The following WWP2 variants were observed in gnomAD, a reference collection of about 807,000 sequenced individuals.
The protein encoded by WWP2 is WW domain containing E3 ubiquitin protein ligase 2.
WWP2 carries 57 observed loss-of-function variants against 121.0 expected under a neutral mutation model. That is an observed-to-expected ratio of 0.47 (90% CI 0.38 to 0.59). The LOEUF (loss-of-function observed/expected upper bound fraction) is 0.59. Among genes scored for constraint, WWP2 ranks in the 20% least tolerant of loss-of-function variants. WWP2 has a pLI of 0.00. For missense variants in WWP2, 962 were observed against 1,158.9 expected (o/e 0.83, Z 2.47); for synonymous variants, 449 against 441.3 (o/e 1.02, Z -0.22).
chr16:69,938,512 G>C (rs530703534), intron 21 of WWP2, among the ~76,000 whole-genome samples: 1 of 152,130 alleles, frequency 6.6e-6, no homozygotes, highest in Non-Finnish European at 1.5e-5. Flanking sequence ...CCAGCTACTC[G>C]GGAAGCTGAT....
At chr16:69,838,988 T>A in intron 4 of WWP2, 1 of 183,340 alleles carries the variant, frequency 5.5e-6, no homozygotes, top group Non-Finnish European at 9.2e-6. Context: ...TTTAGAGCAG[T>A]CTTTTTTGGG....
chr16:69,930,042 C>A (rs2058690352), intron 12 of WWP2, 88 bp from the exon 13 acceptor site: 2 of 1,590,230 alleles, frequency 1.3e-6, no homozygotes, highest in East Asian at 2.3e-5. Flanking sequence ...TCTGCAGAGA[C>A]AAAGCCACAC....
chr16:69,781,302 C>T (rs2055659081), intron 1 of WWP2, among the ~76,000 whole-genome samples: 1 of 152,050 alleles, frequency 6.6e-6, no homozygotes, highest in South Asian at 2.1e-4. Flanking sequence ...GAAGGTATTG[C>T]ATAGGACGTC....
chr16:69,935,563 C>T lies in WWP2; in HGVS notation c.1843-290C>T, dbSNP rs774515888. 6.6e-6 allele frequency among the ~76,000 whole-genome samples: 1 copy of T among 152,230 alleles called. No individual in the cohort carries two copies. Among genetic ancestry groups the T allele is most frequent in the Non-Finnish European group, 1.5e-5 (1 of 68,032 alleles). Reference sequence around the variant, plus strand: ...TTTGCTAGGCCAGGAGCCAGCCGGCCAGCGTGCGGGGCAGATGCGGGCCCG... The same window carrying T: ...TTTGCTAGGCCAGGAGCCAGCCGGCTAGCGTGCGGGGCAGATGCGGGCCCG... On this transcript the variant is annotated intron_variant, in intron 17 of 23. Coordinates refer to ENST00000359154, the MANE Select transcript of WWP2 (RefSeq NM_001270454.2). The surrounding 1 kb of genome is among the most constrained non-coding windows in gnomAD (Gnocchi z 5.2).
At chr16:69,861,239 C>A (rs563147890) in intron 6 of WWP2, among the ~76,000 whole-genome samples, 1 of 152,346 alleles carries the variant, frequency 6.6e-6, no homozygotes, top group Non-Finnish European at 1.5e-5. Context: ...GTGAACACTT[C>A]CCCTCTGAAC....
chr16:69,901,334 T>C lies in WWP2; in HGVS notation c.915-7427T>C, dbSNP rs1038988365. Among the ~76,000 whole-genome samples the C allele has an allele frequency of 2.6e-5, 4 of 152,240 alleles. No homozygotes were observed. The East Asian group carries it at 7.7e-4, about 29-fold the overall frequency. ...TAAGAATACTTGAGTACTTCCAGTGTATTCTTCTTAAGTTTAATTTTTGTC... is the reference window on the plus strand; with the variant it reads ...TAAGAATACTTGAGTACTTCCAGTGCATTCTTCTTAAGTTTAATTTTTGTC... On this transcript the variant is annotated intron_variant, in intron 8 of 23. Transcript: ENST00000359154.
At chr16:69,818,746 C>G (rs774687229) in intron 4 of WWP2, among the ~76,000 whole-genome samples, 1 of 152,130 alleles carries the variant, frequency 6.6e-6, no homozygotes, top group Admixed American at 6.6e-5. Context: ...CACTCTCATT[C>G]AGTCTCCCTT....
At chr16:69,835,824 A>C (rs2056867215) in intron 4 of WWP2, among the ~76,000 whole-genome samples, 1 of 133,344 alleles carries the variant, frequency 7.5e-6, no homozygotes, top group Admixed American at 7.9e-5. Context: ...TTTTTTTGAG[A>C]CAGAGTCTTG....
At chr16:69,767,850 G>A (rs1597632359) in intron 1 of WWP2, among the ~76,000 whole-genome samples, 1 of 151,948 alleles carries the variant, frequency 6.6e-6, no homozygotes, top group South Asian at 2.1e-4. Context: ...TATTTGTTTT[G>A]CTTTTGAGAC....
chr16:69,787,208 G>T, intron 2 of WWP2, 128 bp downstream of exon 2: 1 of 591,892 alleles, frequency 1.7e-6, no homozygotes, highest in South Asian at 3.3e-5. Context: ...TATTCTCATG[G>T]GATTGTCATC....
chr16:69,918,387 G>A (rs1011068156), intron 10 of WWP2, among the ~76,000 whole-genome samples: 1 of 152,164 alleles, frequency 6.6e-6, no homozygotes, highest in Non-Finnish European at 1.5e-5. Flanking sequence ...TCAGGGATTG[G>A]CAAATAATAG....
chr16:69,934,215 G>A, intron 17 of WWP2, 86 bp downstream of exon 17: 1 of 1,518,016 alleles, frequency 6.6e-7, no homozygotes, highest in East Asian at 2.3e-5. Flanking sequence ...GGGCACCAGG[G>A]GAATCTGCTC....
chr16:69,934,444 A>G (rs1304979090), intron 17 of WWP2, among the ~76,000 whole-genome samples: 1 of 149,352 alleles, frequency 6.7e-6, no homozygotes, highest in Non-Finnish European at 1.5e-5. Flanking sequence ...GGTAGTGAAG[A>G]GTTTCCATGT....
intron 4 of WWP2, among the ~76,000 whole-genome samples, chr16:69,823,475 GT>G (rs574763691): frequency 3.5e-4 from 50 of 143,558 alleles, no homozygotes; most frequent in Admixed American, 5.6e-4. Context: ...TTTTTCTTGT[GT>G]TTTTTTTTTT....
At chr16:69,919,317 C>T (rs1035974093) in intron 10 of WWP2, among the ~76,000 whole-genome samples, 4 of 148,388 alleles carry the variant, frequency 2.7e-5, no homozygotes, top group African/African-American at 1.0e-4. Flanking sequence ...AGGCACACGC[C>T]ACCGTGCCTG....
intron 5 of WWP2, among the ~76,000 whole-genome samples, chr16:69,841,819 C>A (rs2056983697): frequency 6.6e-6 from 1 of 152,128 alleles, no homozygotes; most frequent in African/African-American, 2.4e-5. Context: ...AAGGTTTGAG[C>A]CCCACTGCTC....
intron 4 of WWP2, among the ~76,000 whole-genome samples, chr16:69,826,664 G>T (rs901380017): frequency 6.7e-6 from 1 of 149,692 alleles, no homozygotes; most frequent in African/African-American, 2.5e-5. Context: ...TGGATCACGA[G>T]GTCAGGAGAT....
At chr16:69,859,722 C>A (rs1402596755) in intron 6 of WWP2, among the ~76,000 whole-genome samples, 1 of 151,948 alleles carries the variant, frequency 6.6e-6, no homozygotes, top group Non-Finnish European at 1.5e-5. Context: ...CTCACGGTGC[C>A]CCCTCCACCT....
chr16:69,833,190 A>G (rs895745938), intron 4 of WWP2, among the ~76,000 whole-genome samples: 1 of 152,242 alleles, frequency 6.6e-6, no homozygotes, highest in Non-Finnish European at 1.5e-5. Context: ...TGAGTCAGGA[A>G]CCAAACAAGA....
Sources: gnomAD v4.1 joint callset for allele counts (sites outside exome capture counted in the v4.1 genomes callset) on GRCh38, gnomAD v4.1.1 for gene constraint, Gnocchi (gnomAD v3.1) non-coding constraint, MANE v1.5 for transcripts, NCBI Gene and HGNC (gene_info 2026-07-23, HGNC 2026-07-21) for gene names.